LUZP2: variants seen among roughly 807,000 people sequenced by gnomAD.
The protein encoded by LUZP2 is leucine zipper protein 2.
LUZP2 carries 52 observed loss-of-function variants against 51.6 expected under a neutral mutation model. The observed-to-expected ratio is 1.01, with a 90% CI of 0.81 to 1.27. The LOEUF is 1.27. LUZP2 is among the 50% of genes most tolerant of loss of function. The pLI is 0.00. For synonymous variants in LUZP2, 154 were observed against 137.3 expected, an observed-to-expected ratio of 1.12 and a Z score of -0.85; for missense variants, 436 against 395.4, an observed-to-expected ratio of 1.10 and a Z score of -0.87.
Position 24,917,383 on chromosome 11 carries a change from G to C in LUZP2, c.522+2845G>C, listed in dbSNP as rs565941911. ...TTTGACTTTTGTTGCCATTGCTTTT[G>C]GTGTTTTAGACATGAAGTCCTTGCC... On this transcript the variant is annotated intron_variant, in intron 7 of 11. Coordinates refer to ENST00000336930, the MANE Select transcript of LUZP2 (RefSeq NM_001009909.4). Among the ~76,000 whole-genome samples the C allele has an allele frequency of 2.6e-5, 4 of 152,184 alleles. No individual in the cohort carries two copies. The East Asian group carries it at 7.7e-4, about 29-fold the overall frequency.
At chr11:24,616,449 G>GT (rs1449610396) in intron 1 of LUZP2, among the ~76,000 whole-genome samples, 1 of 145,938 alleles carries the variant, frequency 6.9e-6, no homozygotes, top group Non-Finnish European at 1.5e-5. Flanking sequence ...TGGTGGTATT[G>GT]TGTGTGTGTG....
chr11:25,068,328 A>T (rs1322953949), intron 10 of LUZP2, among the ~76,000 whole-genome samples: 2 of 152,002 alleles, frequency 1.3e-5, no homozygotes, highest in Admixed American at 1.3e-4. Context: ...AAAATAAAAT[A>T]AAAAGGTACT....
Position 24,532,320 on chromosome 11 carries a change from T to TTGTC in LUZP2, c.62+35017_62+35018insTCTG, listed in dbSNP as rs10692621. Among the ~76,000 whole-genome samples, 1,310 of 151,102 alleles carry TTGTC rather than the reference T, an allele frequency of 8.7e-3. 23 individuals are homozygous for TTGTC. Among genetic ancestry groups the TTGTC allele is most frequent in the African/African-American group, 0.03 (1,253 of 41,438 alleles). ...AATATACAATCTGTATTTAAGTTCTTTGAGAAATATGACTATTGATTTATT... is the reference window on the plus strand; with the variant it reads ...AATATACAATCTGTATTTAAGTTCTTTGTCTGAGAAATATGACTATTGATTTATT... On this transcript the variant is annotated intron_variant, in intron 1 of 11. Coordinates refer to ENST00000336930, the MANE Select transcript of LUZP2 (RefSeq NM_001009909.4).
chr11:24,908,795 G>C (rs1294212935), intron 6 of LUZP2, among the ~76,000 whole-genome samples: 1 of 132,508 alleles, frequency 7.5e-6, no homozygotes, highest in East Asian at 2.2e-4. Context: ...TCCCTCTGTT[G>C]CCCAGGCTGG....
At chr11:24,623,842 A>G (rs1193337080) in intron 1 of LUZP2, among the ~76,000 whole-genome samples, 1 of 152,124 alleles carries the variant, frequency 6.6e-6, no homozygotes, top group Non-Finnish European at 1.5e-5. Flanking sequence ...GTGAGACCCC[A>G]TATCAAAAAT....
At chr11:24,769,688 G>A (rs1451962527) in intron 5 of LUZP2, among the ~76,000 whole-genome samples, 2 of 118,810 alleles carry the variant, frequency 1.7e-5, no homozygotes, top group Non-Finnish European at 3.5e-5. Context: ...CTTCTATGGT[G>A]GTCTATTTTT....
intron 4 of LUZP2, among the ~76,000 whole-genome samples, chr11:24,738,555 G>A (rs11028131): frequency 0.12 from 17,543 of 152,042 alleles, 1,296 homozygotes; most frequent in Non-Finnish European, 0.17. Context: ...AAAGGACAGA[G>A]TGGGACAAGA....
At chr11:24,543,458 A>G (rs10834378) in intron 1 of LUZP2, among the ~76,000 whole-genome samples, 64,957 of 151,868 alleles carry the variant, frequency 0.43, 14,533 homozygotes, top group African/African-American at 0.54. Flanking sequence ...AAACTTCATG[A>G]TGGCTTCCCA....
At position 24,708,010 on chromosome 11, in the gene LUZP2, G is replaced by A. The variant is rs1361059701; in HGVS notation, c.63-21159G>A. 2.6e-5 allele frequency among the ~76,000 whole-genome samples: 4 copies of A among 152,106 alleles called. 1 individual carries two copies. Among genetic ancestry groups the A allele is most frequent in the Admixed American group, 2.0e-4 (3 of 15,268 alleles). On this transcript the variant is annotated intron_variant, in intron 1 of 11. Coordinates refer to ENST00000336930, the MANE Select transcript of LUZP2 (RefSeq NM_001009909.4). ...ACTAATTCTGACTGGCTAATTTAAA[G>A]AGAATGACAGGGTGAGTGCTTTGGA...
intron 1 of LUZP2, among the ~76,000 whole-genome samples, chr11:24,507,432 C>T (rs1360385200): frequency 6.6e-6 from 1 of 152,020 alleles, no homozygotes; most frequent in Non-Finnish European, 1.5e-5. Flanking sequence ...TCATTGTGCT[C>T]CAGGCTGCTT....
intron 1 of LUZP2, among the ~76,000 whole-genome samples, chr11:24,709,976 C>T (rs1318755266): frequency 6.6e-6 from 1 of 152,108 alleles, no homozygotes. Context: ...GGATTCAATC[C>T]TCCTGTTATA....
chr11:24,965,235 C>G (rs994948975), intron 7 of LUZP2, among the ~76,000 whole-genome samples: 1 of 148,786 alleles, frequency 6.7e-6, no homozygotes, highest in Non-Finnish European at 1.5e-5. Context: ...GTTATCAATT[C>G]TAGACATGTA....
At chr11:24,741,930 T>TTATATAC (rs1859170754) in intron 4 of LUZP2, among the ~76,000 whole-genome samples, 1 of 19,456 alleles carries the variant, frequency 5.1e-5, no homozygotes, top group East Asian at 4.3e-3. Context: ...ATTTATATAT[T>TTATATAC]ATATATAAAT....
chr11:24,876,712 G>A (rs1043741746), intron 5 of LUZP2, among the ~76,000 whole-genome samples: 64 of 152,208 alleles, frequency 4.2e-4, no homozygotes, highest in African/African-American at 1.4e-3. Flanking sequence ...TCATGATATT[G>A]ATTCTTCCTA....
intron 1 of LUZP2, among the ~76,000 whole-genome samples, chr11:24,537,938 C>T (rs1016733751): frequency 6.6e-6 from 1 of 151,842 alleles, no homozygotes; most frequent in African/African-American, 2.4e-5. Flanking sequence ...GGCAGAGACA[C>T]AGTATTGAGC....
chr11:25,051,587 C>T (rs924334030), intron 10 of LUZP2, among the ~76,000 whole-genome samples: 1 of 152,126 alleles, frequency 6.6e-6, no homozygotes, highest in Admixed American at 6.5e-5. Flanking sequence ...GGCTAAAAAA[C>T]AGTACACAAA....
intron 5 of LUZP2, among the ~76,000 whole-genome samples, chr11:24,835,528 C>A (rs1034278509): frequency 2.0e-5 from 3 of 152,068 alleles, no homozygotes; most frequent in African/African-American, 7.2e-5. Context: ...AGGCAACCTA[C>A]AGAAAAGTTG....
intron 5 of LUZP2, among the ~76,000 whole-genome samples, chr11:24,809,055 A>C (rs745889469): frequency 6.6e-6 from 1 of 152,146 alleles, no homozygotes; most frequent in South Asian, 2.1e-4. Flanking sequence ...ATATGTGGTC[A>C]CTGTCATATT....
chr11:24,499,434 AT>A (rs1158925885), intron 1 of LUZP2, among the ~76,000 whole-genome samples: 1 of 152,202 alleles, frequency 6.6e-6, no homozygotes, highest in East Asian at 1.9e-4. Context: ...GCACATGGTT[AT>A]TGTGCAGATT....
Sources: gnomAD v4.1 joint callset for allele counts (sites outside exome capture counted in the v4.1 genomes callset) on GRCh38, gnomAD v4.1.1 for gene constraint, MANE v1.5 for transcripts, NCBI Gene and HGNC (gene_info 2026-07-23, HGNC 2026-07-21) for gene names.